MYO18B: variants seen among roughly 807,000 people sequenced by gnomAD.
The protein encoded by MYO18B is unconventional myosin-XVIIIb.
In MYO18B, 204 loss-of-function variants were observed where a neutral mutation model predicts 273.0. The ratio of observed to expected loss-of-function variants is 0.75; its 90% CI spans 0.67 to 0.84. The LOEUF is 0.84. Ranked by LOEUF, MYO18B falls within the 40% of genes least tolerant of loss-of-function variation. The pLI is 0.00. For missense variants in MYO18B, 3,212 were observed against 3,287.6 expected (o/e 0.98, Z 0.56); for synonymous variants, 1,330 against 1,305.7 (o/e 1.02, Z -0.40).
chr22:25,798,579 A>C (rs982289109), intron 12 of MYO18B, among the ~76,000 whole-genome samples: 1 of 151,658 alleles, frequency 6.6e-6, no homozygotes, highest in African/African-American at 2.4e-5. Context: ...TAAAATTTTC[A>C]TTGAGATAGG....
intron 1 of MYO18B, among the ~76,000 whole-genome samples, chr22:25,751,332 C>A (rs1052814274): frequency 6.6e-6 from 1 of 152,206 alleles, no homozygotes; most frequent in Non-Finnish European, 1.5e-5. Flanking sequence ...TCCCAACTAC[C>A]ACACGCCCTG....
At position 25,988,238 on chromosome 22, in the gene MYO18B, G is replaced by A. The variant is rs114361365; in HGVS notation, c.6157-4125G>A. On this transcript the variant is annotated intron_variant, in intron 39 of 43. Coordinates refer to ENST00000335473, the MANE Select transcript of MYO18B (RefSeq NM_032608.7). ...CCAGGGAGACTGTTTGGGGCACTGC[G>A]TTTGTTTAGCCTAATGAAATGGTCT... is the stretch of plus-strand genomic sequence containing the variant. 9.1e-3 allele frequency among the ~76,000 whole-genome samples: 1,384 copies of A among 152,078 alleles called. 19 individuals are homozygous for A. Among genetic ancestry groups the A allele is most frequent in the African/African-American group, 0.032 (1,322 of 41,444 alleles).
At chr22:25,892,073 A>G (rs376349160) in intron 27 of MYO18B, among the ~76,000 whole-genome samples, 1 of 152,232 alleles carries the variant, frequency 6.6e-6, no homozygotes. Context: ...GTTGGAACCT[A>G]TGAAGTTGTA....
chr22:25,773,458 G>T (rs112834436), intron 7 of MYO18B, among the ~76,000 whole-genome samples: 2,278 of 152,104 alleles, frequency 0.015, 53 homozygotes, highest in African/African-American at 0.051. Context: ...GCTACTATGG[G>T]TATTTATTTA....
intron 12 of MYO18B, among the ~76,000 whole-genome samples, chr22:25,813,837 C>G (rs1033633161): frequency 6.6e-6 from 1 of 152,166 alleles, no homozygotes; most frequent in Admixed American, 6.5e-5. Context: ...AGGCCTGTCA[C>G]CTCCTCTGCC....
intron 12 of MYO18B, among the ~76,000 whole-genome samples, chr22:25,799,629 A>G (rs918469228): frequency 2.6e-5 from 4 of 152,216 alleles, no homozygotes; most frequent in African/African-American, 7.2e-5. Flanking sequence ...TGGCGGGGGC[A>G]GTAGAATCTT....
chr22:25,762,573 C>T (rs1405582089), intron 2 of MYO18B, among the ~76,000 whole-genome samples: 2 of 152,270 alleles, frequency 1.3e-5, no homozygotes, highest in East Asian at 3.8e-4. Context: ...GGCCGTATTT[C>T]TGGGGGGTAA....
intron 21 of MYO18B, among the ~76,000 whole-genome samples, chr22:25,864,925 G>A (rs556965102): frequency 5.9e-5 from 9 of 152,312 alleles, no homozygotes; most frequent in South Asian, 2.1e-4. Context: ...CACAGGACAA[G>A]GAGGAATTTC....
intron 12 of MYO18B, among the ~76,000 whole-genome samples, chr22:25,807,448 G>A (rs1038780712): frequency 2.6e-5 from 4 of 152,208 alleles, no homozygotes; most frequent in Non-Finnish European, 5.9e-5. Context: ...CAAGGCTTCT[G>A]TGTATCTGTA....
At chr22:26,010,679 A>G (rs1045407639) in intron 42 of MYO18B, among the ~76,000 whole-genome samples, 2 of 152,108 alleles carry the variant, frequency 1.3e-5, no homozygotes, top group Admixed American at 6.5e-5. Flanking sequence ...TCTGTCCTTC[A>G]TCCCAGAGCA....
chr22:25,960,958 C>T (rs750892764), intron 39 of MYO18B, among the ~76,000 whole-genome samples: 2 of 151,658 alleles, frequency 1.3e-5, no homozygotes, highest in Non-Finnish European at 2.9e-5. Flanking sequence ...AGACCAGCCT[C>T]GGCAACATAG....
intron 38 of MYO18B, among the ~76,000 whole-genome samples, chr22:25,954,262 C>A (rs187498161): frequency 6.6e-6 from 1 of 152,126 alleles, no homozygotes; most frequent in Admixed American, 6.5e-5. Context: ...CCCCATCCCC[C>A]CTGCCACCAG....
In MYO18B at chr22:26,013,349, G is replaced by A. The variant is rs185580806; in HGVS notation, c.6470+8494G>A. ...ACAGGACAGGCCACATAGAATTATC[G>A]GGTCCAAAATGGCAATTATACCACC... is the stretch of plus-strand genomic sequence containing the variant. On this transcript the variant is annotated intron_variant, in intron 42 of 43. Transcript: ENST00000335473. 7.5e-3 allele frequency among the ~76,000 whole-genome samples: 1,141 copies of A among 151,938 alleles called. 3 individuals carry two copies. The highest frequency in any genetic ancestry group is 0.012 in the Non-Finnish European group (803 of 67,960).
intron 42 of MYO18B, among the ~76,000 whole-genome samples, chr22:26,025,812 T>C (rs1020461708): frequency 2.0e-5 from 3 of 152,216 alleles, no homozygotes; most frequent in African/African-American, 7.2e-5. Flanking sequence ...TGCCACAAAC[T>C]CCCTCTGCAT....
At chr22:25,758,911 T>C (rs1040509006) in intron 1 of MYO18B, among the ~76,000 whole-genome samples, 2 of 152,074 alleles carry the variant, frequency 1.3e-5, no homozygotes, top group African/African-American at 2.4e-5. Flanking sequence ...CCCGCCACCA[T>C]GCCCGGCTAA....
chr22:25,887,118 C>T (rs2091522412), intron 25 of MYO18B, among the ~76,000 whole-genome samples: 1 of 152,192 alleles, frequency 6.6e-6, no homozygotes, highest in African/African-American at 2.4e-5. Context: ...TTGGGCTTGA[C>T]AGTCTATGAA....
Position 25,946,199 on chromosome 22 carries a change from C to T in MYO18B, c.5580C>T (p.Asp1860=). 1 of 1,584,412 alleles carries T rather than the reference C, an allele frequency of 6.3e-7. No homozygotes were observed. Among genetic ancestry groups the T allele is most frequent in the South Asian group, 1.2e-5 (1 of 85,974 alleles). Reference sequence around the variant, plus strand: ...AGACGCAGAAGGTGCTCACAGCGGACCTGGAGAGCATGCACAGCGAGCTGG... The same window carrying T: ...AGACGCAGAAGGTGCTCACAGCGGATCTGGAGAGCATGCACAGCGAGCTGG... ...ALKTQKVLTA[D]LESMHSELEN... is the part of the protein sequence containing the mutation. The change falls in exon 35 of 44, where the codon GAC becomes GAT. Residue 1860 remains aspartate (D), a synonymous_variant. Transcript: ENST00000335473.
intron 1 of MYO18B, chr22:25,756,319 G>A (rs1424385232): frequency 1.3e-5 from 2 of 152,254 alleles, no homozygotes; most frequent in Non-Finnish European, 2.9e-5. Context: ...GTTGGCACTT[G>A]GACGTGTATT....
At chr22:25,765,032 C>T (rs1374904449) in intron 3 of MYO18B, among the ~76,000 whole-genome samples, 1 of 152,080 alleles carries the variant, frequency 6.6e-6, no homozygotes, top group African/African-American at 2.4e-5. Context: ...CCACAGAGAC[C>T]TGGGGGAAAG....
Sources: gnomAD v4.1 joint callset for allele counts (sites outside exome capture counted in the v4.1 genomes callset) on GRCh38, gnomAD v4.1.1 for gene constraint, MANE v1.5 for transcripts, NCBI Gene and HGNC (gene_info 2026-07-23, HGNC 2026-07-21) for gene names.